RANBP2: variants seen among roughly 807,000 people sequenced by gnomAD.
The protein encoded by RANBP2 is RAN binding protein 2.
Under a neutral mutation model 303.6 loss-of-function variants are expected in RANBP2, and 57 were observed. The observed-to-expected ratio is 0.19, with a 90% CI of 0.15 to 0.23. The LOEUF (loss-of-function observed/expected upper bound fraction) is 0.23, where lower values mean the gene tolerates loss of function less well. Ranked by LOEUF, RANBP2 falls within the 10% of genes least tolerant of loss-of-function variation. RANBP2 has a pLI of 1.00. For synonymous variants in RANBP2, 1,167 were observed against 1,301.5 expected (o/e 0.90, Z 2.23); for missense variants, 3,138 against 3,780.8 (o/e 0.83, Z 4.46).
the RANBP2 span, among the ~76,000 whole-genome samples, chr2:108,918,059 G>A: frequency 5.9e-5 from 9 of 152,316 alleles, no homozygotes; most frequent in African/African-American, 1.9e-4. Flanking sequence ...TGCACGTGAT[G>A]TCTAAAAGAG....
the RANBP2 span, among the ~76,000 whole-genome samples, chr2:109,675,614 G>T: frequency 6.6e-6 from 1 of 152,084 alleles, no homozygotes; most frequent in Non-Finnish European, 1.5e-5. Flanking sequence ...CCCAGGAGGC[G>T]GAGGTTGCAG....
the RANBP2 span, among the ~76,000 whole-genome samples, chr2:109,197,395 G>A: frequency 1.3e-5 from 2 of 152,322 alleles, no homozygotes; most frequent in African/African-American, 4.8e-5. Context: ...CCACTTGCAA[G>A]CTGTTTGTCC....
the RANBP2 span, among the ~76,000 whole-genome samples, chr2:109,330,404 C>G: frequency 1.3e-5 from 2 of 152,086 alleles, no homozygotes; most frequent in Non-Finnish European, 2.9e-5. Context: ...CCAAGACTTT[C>G]ATCCTGTTGA....
At chr2:108,789,116 C>A, downstream of RANBP2, 1 of 603,558 alleles carries the variant, frequency 1.7e-6, no homozygotes, top group Non-Finnish European at 2.8e-6. Context: ...ATAGTTGAAG[C>A]GAGTCACTTA....
chr2:108,948,103 T>C, the RANBP2 span, among the ~76,000 whole-genome samples: 6 of 152,332 alleles, frequency 3.9e-5, no homozygotes, highest in South Asian at 1.2e-3. Flanking sequence ...CCCTAAATCA[T>C]CTCTCTCAAT....
chr2:109,215,282 A>G, the RANBP2 span, among the ~76,000 whole-genome samples: 5 of 152,214 alleles, frequency 3.3e-5, no homozygotes, highest in African/African-American at 4.8e-5. Flanking sequence ...ACTTTGGGTC[A>G]TGGGTAAAGA....
chr2:109,342,116 G>T, the RANBP2 span, among the ~76,000 whole-genome samples: 1 of 152,234 alleles, frequency 6.6e-6, no homozygotes. Context: ...CAGGTGGGCA[G>T]ACTCTGTGTC....
the RANBP2 span, chr2:109,794,580 C>CGGGGAGGGGGAG: frequency 1.1e-6 from 1 of 899,516 alleles, no homozygotes; most frequent in Admixed American, 7.7e-5. Context: ...TCGACCCGGC[C>CGGGGAGGGGGAG]GGGGGGCGGC....
At chr2:108,793,158 C>T in the RANBP2 span, among the ~76,000 whole-genome samples, 1 of 151,086 alleles carries the variant, frequency 6.6e-6, no homozygotes, top group South Asian at 2.1e-4. Context: ...GAGATCCAGA[C>T]CATCCTGGCT....
chr2:108,960,032 G>C, the RANBP2 span, among the ~76,000 whole-genome samples: 24 of 152,262 alleles, frequency 1.6e-4, no homozygotes, highest in African/African-American at 5.3e-4. Context: ...CGTGGCCACG[G>C]TGGCTCTGAG....
chr2:109,702,132 C>A, the RANBP2 span, among the ~76,000 whole-genome samples: 1 of 152,216 alleles, frequency 6.6e-6, no homozygotes, highest in Non-Finnish European at 1.5e-5. Context: ...AAGCTGGCCA[C>A]CCAGCAGCCC....
At chr2:109,176,387 A>G in the RANBP2 span, among the ~76,000 whole-genome samples, 1 of 152,204 alleles carries the variant, frequency 6.6e-6, no homozygotes, top group African/African-American at 2.4e-5. Flanking sequence ...ACCATGTGCA[A>G]TGGAATGCTG....
the RANBP2 span, among the ~76,000 whole-genome samples, chr2:109,589,106 T>TTTTG: frequency 2.7e-5 from 4 of 150,696 alleles, no homozygotes; most frequent in Admixed American, 6.6e-5. Context: ...TTTGTGGTTT[T>TTTTG]TTTGTTTGTT....
At chr2:108,794,836 A>G in the RANBP2 span, 1 of 836,586 alleles carries the variant, frequency 1.2e-6, no homozygotes, top group Middle Eastern at 3.6e-4. Context: ...AAGTTTGTCA[A>G]GAGAAGGACG....
chr2:109,545,778 T>A, the RANBP2 span: 1 of 1,428,422 alleles, frequency 7.0e-7, no homozygotes. Flanking sequence ...CCCAGCTAAC[T>A]GATCCTTTTC....
At chr2:108,859,843 A>G in the RANBP2 span, among the ~76,000 whole-genome samples, 1 of 151,924 alleles carries the variant, frequency 6.6e-6, no homozygotes, top group Non-Finnish European at 1.5e-5. Flanking sequence ...GTGAAGAATA[A>G]TGTTGGTAAT....
At chr2:109,579,675 G>A in the RANBP2 span, among the ~76,000 whole-genome samples, 3 of 150,490 alleles carry the variant, frequency 2.0e-5, no homozygotes, top group Non-Finnish European at 4.4e-5. Context: ...GAGCCACCAC[G>A]CCCAGCCAGG....
the RANBP2 span, among the ~76,000 whole-genome samples, chr2:109,692,820 CTTT>C: frequency 1.4e-5 from 2 of 139,304 alleles, no homozygotes. Context: ...TTCTTTCTTT[CTTT>C]TTTTTTTTTT....
At chr2:109,210,960 G>A in the RANBP2 span, among the ~76,000 whole-genome samples, 18 of 152,340 alleles carry the variant, frequency 1.2e-4, no homozygotes, top group African/African-American at 4.1e-4. Context: ...AGTGGGCTGG[G>A]TTTGGGGATG....
Sources: allele counts gnomAD v4.1 joint callset (sites outside exome capture counted in the v4.1 genomes callset), GRCh38; gene constraint gnomAD v4.1.1; transcripts MANE v1.5; gene names NCBI Gene and HGNC (gene_info 2026-07-23, HGNC 2026-07-21).